MAST4: variants seen among roughly 807,000 people sequenced by gnomAD.
MAST4 encodes the protein microtubule-associated serine/threonine-protein kinase 4.
Under a neutral mutation model 162.7 loss-of-function variants are expected in MAST4, and 89 were observed. The ratio of observed to expected loss-of-function variants is 0.55; its 90% CI spans 0.46 to 0.65. The LOEUF (loss-of-function observed/expected upper bound fraction) is 0.65, where lower values mean the gene tolerates loss of function less well. Among genes scored for constraint, MAST4 ranks in the 30% least tolerant of loss-of-function variants. The pLI is 0.00. For missense variants in MAST4, 3,153 were observed against 3,374.0 expected (o/e 0.93, Z 1.62); for synonymous variants, 1,479 against 1,361.1 (o/e 1.09, Z -1.91).
intron 1 of MAST4, among the ~76,000 whole-genome samples, chr5:66,629,229 A>G (rs1447661243): frequency 1.1e-4 from 16 of 152,220 alleles, no homozygotes; most frequent in African/African-American, 1.9e-4. Context: ...CATACTTGGC[A>G]TATAAAATAT....
At chr5:66,911,945 T>A (rs9686291) in intron 4 of MAST4, among the ~76,000 whole-genome samples, 4,993 of 152,292 alleles carry the variant, frequency 0.033, 149 homozygotes, top group African/African-American at 0.076. Context: ...TTTTGGTAAC[T>A]TTAGCGTCGA....
intron 4 of MAST4, among the ~76,000 whole-genome samples, chr5:66,954,872 G>A (rs1181077691): frequency 3.3e-5 from 5 of 150,058 alleles, no homozygotes; most frequent in African/African-American, 5.1e-5. Context: ...CTGCACTCCA[G>A]CCTGGGCAAC....
At chr5:66,736,558 A>G (rs1406083889) in intron 1 of MAST4, among the ~76,000 whole-genome samples, 1 of 152,190 alleles carries the variant, frequency 6.6e-6, no homozygotes, top group Non-Finnish European at 1.5e-5. Flanking sequence ...GTGTCAGGGA[A>G]AGTGATTCCT....
rs569598849 is a variant in MAST4 at position 67,033,713 on chromosome 5, TTTTGTTTG to T, written c.675-20675_675-20668del. On this transcript the variant is annotated intron_variant, in intron 4 of 28. Coordinates refer to ENST00000403625, the MANE Select transcript of MAST4 (RefSeq NM_001164664.2). ...CGTGGGAAGACAGTCTGCCTGTGGG[TTTTGTTTG>T]TTTGTTTGTTTGTTTCTCTTTACCA... Among the ~76,000 whole-genome samples the T allele has an allele frequency of 4.6e-5, 7 of 152,088 alleles. No homozygotes were observed. In the South Asian group the frequency reaches 1.5e-3, roughly 32 times the overall value.
At chr5:66,977,748 A>C (rs900332845) in intron 4 of MAST4, among the ~76,000 whole-genome samples, 2 of 152,214 alleles carry the variant, frequency 1.3e-5, no homozygotes, top group Non-Finnish European at 2.9e-5. Context: ...AAATCAATGA[A>C]ATGTCATTTG....
intron 1 of MAST4, among the ~76,000 whole-genome samples, chr5:66,676,565 G>C (rs71632577): frequency 0.1 from 15,630 of 152,172 alleles, 933 homozygotes; most frequent in Admixed American, 0.16. Flanking sequence ...CATAAAGCTG[G>C]AAGAGAAAGT....
chr5:66,598,521 C>T (rs1441766755), intron 1 of MAST4, among the ~76,000 whole-genome samples: 1 of 152,200 alleles, frequency 6.6e-6, no homozygotes. Flanking sequence ...AGAGCTACAT[C>T]CTAGCGGAGA....
chr5:66,945,219 T>C (rs1314098157), intron 4 of MAST4, among the ~76,000 whole-genome samples: 2 of 152,158 alleles, frequency 1.3e-5, no homozygotes, highest in Non-Finnish European at 2.9e-5. Flanking sequence ...GGTCAAGATA[T>C]CACTGACTTA....
chr5:66,979,994 A>G (rs1196286989), intron 4 of MAST4, among the ~76,000 whole-genome samples: 2 of 147,538 alleles, frequency 1.4e-5, no homozygotes, highest in East Asian at 3.8e-4. Flanking sequence ...CTCAGGCACC[A>G]CTATTATTGC....
chr5:66,628,222 T>C (rs924436637), intron 1 of MAST4, among the ~76,000 whole-genome samples: 1 of 151,846 alleles, frequency 6.6e-6, no homozygotes, highest in Non-Finnish European at 1.5e-5. Flanking sequence ...TTTGTGGAGG[T>C]GGGATTTCCG....
chr5:66,731,100 T>A (rs941249121), intron 1 of MAST4, among the ~76,000 whole-genome samples: 3 of 152,250 alleles, frequency 2.0e-5, no homozygotes, highest in African/African-American at 7.2e-5. Context: ...TTTCAGTTTT[T>A]GTTTATGAAA....
chr5:66,683,145 G>A (rs1300254494), intron 1 of MAST4, among the ~76,000 whole-genome samples: 2 of 152,148 alleles, frequency 1.3e-5, no homozygotes, highest in Non-Finnish European at 2.9e-5. Context: ...CTGTGCCAAA[G>A]CATAAGCTCC....
intron 4 of MAST4, among the ~76,000 whole-genome samples, chr5:67,026,508 A>T (rs924270560): frequency 1.3e-5 from 2 of 152,256 alleles, no homozygotes; most frequent in Admixed American, 6.5e-5. Flanking sequence ...TCATGCAACC[A>T]TCAGCAGAAT....
At position 67,104,529 on chromosome 5, in the gene MAST4, G is replaced by A. The variant is rs371642698; in HGVS notation, c.1310G>A (p.Arg437Gln). The A allele has an allele frequency of 9.9e-6, 16 of 1,613,700 alleles. No homozygotes were observed. Among genetic ancestry groups the A allele is most frequent in the South Asian group, 6.6e-5 (6 of 91,062 alleles). ...DKSHQGLITS[R>Q]YFLELQHKLD... ...TCCCACCAGGGCCTCATCACCTCAC[G>A]ATACTTCCTTGAATTACAGCACAAA... is the stretch of plus-strand genomic sequence containing the variant. Residue 437 changes from arginine to glutamine, a missense_variant, in exon 10 of 29, where the codon CGA becomes CAA. Arg to Gln is a conservative substitution (Grantham distance 43). Transcript: ENST00000403625.
intron 1 of MAST4, among the ~76,000 whole-genome samples, chr5:66,672,496 G>A (rs969370379): frequency 6.6e-6 from 1 of 152,040 alleles, no homozygotes; most frequent in Non-Finnish European, 1.5e-5. Flanking sequence ...TATATTATTT[G>A]CATCTTAAAA....
chr5:66,797,132 C>T (rs187783845), intron 3 of MAST4, among the ~76,000 whole-genome samples: 115 of 152,320 alleles, frequency 7.5e-4, no homozygotes, highest in African/African-American at 2.7e-3. Flanking sequence ...ACAGCTTGTC[C>T]TTCTGGCATC....
chr5:67,102,305 G>A (rs756417863), intron 8 of MAST4, among the ~76,000 whole-genome samples: 1 of 152,044 alleles, frequency 6.6e-6, no homozygotes, highest in African/African-American at 2.4e-5. Context: ...ATGATTTTGT[G>A]GCATTCCACT....
At chr5:66,965,919 T>C (rs568697202) in intron 4 of MAST4, among the ~76,000 whole-genome samples, 1 of 152,322 alleles carries the variant, frequency 6.6e-6, no homozygotes, top group South Asian at 2.1e-4. Flanking sequence ...GATTGTATTT[T>C]AGGCAGAAAC....
intron 1 of MAST4, among the ~76,000 whole-genome samples, chr5:66,599,661 C>CTTATATGCAATAAGTATATTGCAT (rs1293767230): frequency 6.6e-6 from 1 of 152,130 alleles, no homozygotes; most frequent in Non-Finnish European, 1.5e-5. Flanking sequence ...TTTATTGCTG[C>CTTATATGCAATAAGTATATTGCAT]ATAACTTATA....
Sources: gnomAD v4.1 joint callset for allele counts (sites outside exome capture counted in the v4.1 genomes callset) on GRCh38, gnomAD v4.1.1 for gene constraint, MANE v1.5 for transcripts, NCBI Gene and HGNC (gene_info 2026-07-23, HGNC 2026-07-21) for gene names.